The following DKK3 variants were observed in gnomAD, a reference collection of about 807,000 sequenced individuals.
DKK3 encodes dickkopf Wnt signaling pathway inhibitor 3.
DKK3 carries 22 observed loss-of-function variants against 33.2 expected under a neutral mutation model. The observed-to-expected ratio is 0.66, with a 90% confidence interval of 0.47 to 0.95. The LOEUF is 0.95. Among genes scored for constraint, DKK3 ranks in the 40% least tolerant of loss-of-function variants. The probability of loss-of-function intolerance (pLI) is 0.00; values close to 1 mark genes in which losing one functional copy is unlikely to be tolerated. For missense variants in DKK3, 398 were observed against 458.4 expected, an observed-to-expected ratio of 0.87 and a Z score of 1.20; for synonymous variants, 194 against 188.8, an observed-to-expected ratio of 1.03 and a Z score of -0.23.
rs191296190 is a variant in DKK3, at chr11:11,985,989, C to T, written c.435+12707G>A. On this transcript the variant is annotated intron_variant, in intron 3 of 6. Transcript: ENST00000683431. Reference sequence around the variant, plus strand: ...CATAGATTTAATCAAAAAGGGAGGACCCTGGAAACAATGGAAAAAGCAAAG... The same window carrying T: ...CATAGATTTAATCAAAAAGGGAGGATCCTGGAAACAATGGAAAAAGCAAAG... Among the ~76,000 whole-genome samples, 8 of 152,184 alleles carry T rather than the reference C, an allele frequency of 5.3e-5. No individual in the cohort carries two copies. In the East Asian group the frequency reaches 1.6e-3, roughly 30 times the overall value.
intron 3 of DKK3, among the ~76,000 whole-genome samples, chr11:11,972,418 T>G (rs1477540485): frequency 6.6e-6 from 1 of 152,244 alleles, no homozygotes; most frequent in Admixed American, 6.5e-5. Context: ...TCCTGACTTA[T>G]CTACATCCTG....
intron 3 of DKK3, among the ~76,000 whole-genome samples, chr11:11,976,953 G>T (rs1180923251): frequency 6.6e-6 from 1 of 152,140 alleles, no homozygotes; most frequent in African/African-American, 2.4e-5. Flanking sequence ...GCCAGCTCAG[G>T]GGGTGGGGGC....
intron 3 of DKK3, among the ~76,000 whole-genome samples, chr11:11,986,982 C>T (rs1590530389): frequency 2.0e-5 from 3 of 152,200 alleles, no homozygotes; most frequent in Non-Finnish European, 4.4e-5. Flanking sequence ...TTTACAGAAT[C>T]TTACCTTCAA....
intron 3 of DKK3, among the ~76,000 whole-genome samples, chr11:11,990,915 T>C (rs943078659): frequency 1.3e-5 from 2 of 152,232 alleles, no homozygotes; most frequent in African/African-American, 4.8e-5. Context: ...TCTATTCTAC[T>C]TGCAAGATGA....
chr11:11,968,373 C>T (rs1468655740), intron 4 of DKK3, 22 bp downstream of exon 4: 1 of 1,602,688 alleles, frequency 6.2e-7, no homozygotes, highest in Admixed American at 1.7e-5. Context: ...TGCCACAGCC[C>T]CAGAGGCCCT....
upstream of DKK3, chr11:12,009,384 C>A (rs1380162496): frequency 5.1e-6 from 5 of 974,820 alleles, no homozygotes; most frequent in Admixed American, 3.2e-4. Flanking sequence ...GCCCCGAGCC[C>A]CGCCCGCCCA....
intron 3 of DKK3, among the ~76,000 whole-genome samples, chr11:11,971,635 AT>A (rs1847727644): frequency 6.6e-6 from 1 of 152,112 alleles, no homozygotes; most frequent in African/African-American, 2.4e-5. Flanking sequence ...TTCACTATAC[AT>A]TTCCTCTCCC....
At chr11:11,997,208 T>C (rs1464019103) in intron 3 of DKK3, among the ~76,000 whole-genome samples, 1 of 152,214 alleles carries the variant, frequency 6.6e-6, no homozygotes, top group East Asian at 1.9e-4. Context: ...GCTGTACCAC[T>C]GTGCAATGAT....
intron 1 of DKK3, among the ~76,000 whole-genome samples, chr11:12,007,726 C>T (rs573334351): frequency 6.6e-6 from 1 of 152,340 alleles, no homozygotes; most frequent in South Asian, 2.1e-4. Context: ...CACCCTGCTA[C>T]TGAGTGGCAG....
At chr11:11,982,852 A>G (rs528177681) in intron 3 of DKK3, among the ~76,000 whole-genome samples, 46 of 152,282 alleles carry the variant, frequency 3.0e-4, no homozygotes, top group African/African-American at 9.9e-4. Flanking sequence ...CACGGCAATT[A>G]ATGGGATTAA....
chr11:11,968,299 C>G, intron 4 of DKK3, 96 bp downstream of exon 4: 2 of 1,175,394 alleles, frequency 1.7e-6, no homozygotes, highest in Non-Finnish European at 2.4e-6. Context: ...TGAGGCTCTT[C>G]TGGGAAGCCC....
At chr11:11,983,507 G>A (rs115739465) in intron 3 of DKK3, among the ~76,000 whole-genome samples, 242 of 152,356 alleles carry the variant, frequency 1.6e-3, no homozygotes, top group Middle Eastern at 0.014. Context: ...AATCCCTCCT[G>A]ACATATCACA....
intron 1 of DKK3, among the ~76,000 whole-genome samples, chr11:12,005,067 G>A (rs985882453): frequency 6.6e-6 from 1 of 152,208 alleles, no homozygotes; most frequent in Non-Finnish European, 1.5e-5. Flanking sequence ...AGGTGCTGGA[G>A]AGGACCCACC....
chr11:11,967,252 C>G (rs1446764748), intron 4 of DKK3, among the ~76,000 whole-genome samples, 154 bp from the exon 5 acceptor site: 4 of 152,140 alleles, frequency 2.6e-5, no homozygotes, highest in African/African-American at 9.7e-5. Context: ...GTCAGTGGGA[C>G]AGAGGTGGGA....
intron 3 of DKK3, among the ~76,000 whole-genome samples, chr11:11,969,111 C>CTT (rs1847669002): frequency 6.6e-6 from 1 of 152,232 alleles, no homozygotes; most frequent in Non-Finnish European, 1.5e-5. Flanking sequence ...GCCAGCTCTG[C>CTT]CTGGCTGGAG....
intron 3 of DKK3, among the ~76,000 whole-genome samples, chr11:11,992,538 A>C (rs1382742062): frequency 6.6e-6 from 1 of 152,182 alleles, no homozygotes; most frequent in African/African-American, 2.4e-5. Context: ...GAGCACTCAA[A>C]TGTTCCTGCT....
chr11:11,965,603 G>C (rs1250843086), intron 6 of DKK3, among the ~76,000 whole-genome samples: 1 of 152,126 alleles, frequency 6.6e-6, no homozygotes, highest in African/African-American at 2.4e-5. Context: ...CCCCAGATCT[G>C]TGCCTCCTGG....
intron 1 of DKK3, among the ~76,000 whole-genome samples, chr11:12,007,887 C>T (rs1323698393): frequency 6.6e-6 from 1 of 152,224 alleles, no homozygotes; most frequent in Non-Finnish European, 1.5e-5. Context: ...CAAGACAGCC[C>T]AGACAGACTG....
intron 6 of DKK3, among the ~76,000 whole-genome samples, chr11:11,965,184 G>C (rs987228041): frequency 6.6e-6 from 1 of 152,186 alleles, no homozygotes; most frequent in Non-Finnish European, 1.5e-5. Flanking sequence ...TTGAACTCTT[G>C]GCCTCAAGCA....
Sources: allele counts gnomAD v4.1 joint callset (sites outside exome capture counted in the v4.1 genomes callset), GRCh38; gene constraint gnomAD v4.1.1; transcripts MANE v1.5; gene names NCBI Gene and HGNC (gene_info 2026-07-23, HGNC 2026-07-21).